The following CHN2 variants were observed in gnomAD, a reference collection of about 807,000 sequenced individuals.
CHN2 encodes the protein chimerin 2, also known as beta-chimaerin.
A neutral mutation model predicts 56.3 loss-of-function variants in CHN2; 35 were observed. The observed-to-expected ratio is 0.62, with a 90% confidence interval of 0.47 to 0.82. CHN2 has a LOEUF of 0.82. CHN2 is among the 40% of genes least tolerant of loss of function. CHN2 has a pLI of 0.00. For missense variants in CHN2, 491 were observed against 580.5 expected, an observed-to-expected ratio of 0.85 and a Z score of 1.58; for synonymous variants, 210 against 212.8, an observed-to-expected ratio of 0.99 and a Z score of 0.12.
chr7:29,393,821 C>T (rs367682672), intron 4 of CHN2, 111 bp downstream of exon 4: 6 of 350,140 alleles, frequency 1.7e-5, no homozygotes, highest in Non-Finnish European at 2.4e-5. Context: ...GTCTATTGTG[C>T]AAGAGTTTAA....
At chr7:29,185,455 C>T (rs1798593339) in intron 2 of CHN2, 1 of 152,196 alleles carries the variant, frequency 6.6e-6, no homozygotes, top group South Asian at 2.1e-4. Context: ...GATTCCCTCT[C>T]TTTCCTTCAT....
At chr7:29,254,846 A>G (rs39101) in intron 1 of CHN2, among the ~76,000 whole-genome samples, 100,525 of 151,940 alleles carry the variant, frequency 0.66, 35,129 homozygotes, top group East Asian at 0.85. Flanking sequence ...AGTCTGGGAA[A>G]TGTAGTTTTT....
chr7:29,393,922 T>C (rs777122695), intron 4 of CHN2, among the ~76,000 whole-genome samples: 1 of 152,180 alleles, frequency 6.6e-6, no homozygotes, highest in African/African-American at 2.4e-5. Context: ...TAGAGCATTT[T>C]GCGCTACTTT....
At chr7:29,498,683 G>A (rs1789574569) in intron 8 of CHN2, among the ~76,000 whole-genome samples, 2 of 150,874 alleles carry the variant, frequency 1.3e-5, no homozygotes, top group Admixed American at 1.3e-4. Flanking sequence ...TTTGAGTAGA[G>A]AGCACATCAA....
At chr7:29,216,517 T>A (rs1315379733) in intron 1 of CHN2, among the ~76,000 whole-genome samples, 1 of 152,270 alleles carries the variant, frequency 6.6e-6, no homozygotes, top group Non-Finnish European at 1.5e-5. Context: ...TCTTTGTCAC[T>A]TTTTAGCTTA....
intron 6 of CHN2, among the ~76,000 whole-genome samples, chr7:29,457,329 T>A (rs568507786): frequency 6.6e-6 from 1 of 152,038 alleles, no homozygotes; most frequent in South Asian, 2.1e-4. Flanking sequence ...TCCCGCTGAG[T>A]GATAATAGGG....
intron 2 of CHN2, among the ~76,000 whole-genome samples, chr7:29,159,112 A>G (rs539349389): frequency 5.3e-5 from 8 of 152,240 alleles, no homozygotes; most frequent in African/African-American, 1.2e-4. Flanking sequence ...CTAATGGGCT[A>G]CACAGCACAA....
intron 6 of CHN2, among the ~76,000 whole-genome samples, chr7:29,416,383 A>G (rs1562590367): frequency 6.6e-6 from 1 of 152,238 alleles, no homozygotes; most frequent in Non-Finnish European, 1.5e-5. Context: ...TTGAAATGGA[A>G]ATGTTGTTAC....
At chr7:29,328,186 G>A (rs1180317458) in intron 1 of CHN2, among the ~76,000 whole-genome samples, 7 of 152,144 alleles carry the variant, frequency 4.6e-5, no homozygotes, top group East Asian at 1.9e-4. Context: ...TCTGGAACCC[G>A]AGAAGTCTGA....
chr7:29,311,904 G>T (rs934352269), intron 1 of CHN2, among the ~76,000 whole-genome samples: 1 of 152,188 alleles, frequency 6.6e-6, no homozygotes, highest in East Asian at 1.9e-4. Context: ...AATGGAGGAG[G>T]GGGGTGACTT....
intron 3 of CHN2, among the ~76,000 whole-genome samples, chr7:29,382,344 C>CA: frequency 6.6e-6 from 1 of 152,284 alleles, no homozygotes; most frequent in African/African-American, 2.4e-5. Flanking sequence ...GGCTCGAAGT[C>CA]ACAGTTGTTG....
chr7:29,226,605 G>A (rs1786220332), intron 1 of CHN2, among the ~76,000 whole-genome samples: 1 of 152,116 alleles, frequency 6.6e-6, no homozygotes, highest in African/African-American at 2.4e-5. Context: ...AACGTAGGGA[G>A]TGGAACACTC....
chr7:29,367,182 C>T (rs1799230484), intron 2 of CHN2, among the ~76,000 whole-genome samples: 2 of 152,258 alleles, frequency 1.3e-5, no homozygotes, highest in East Asian at 1.9e-4. Context: ...GCAGAAAAAT[C>T]ACTCATTATG....
intron 1 of CHN2, among the ~76,000 whole-genome samples, chr7:29,211,193 C>G (rs569574878): frequency 6.6e-6 from 1 of 151,770 alleles, no homozygotes; most frequent in East Asian, 1.9e-4. Flanking sequence ...GCCTCAGCCT[C>G]CTGAGGAGCT....
At position 29,195,024 on chromosome 7, in the gene CHN2, C is replaced by G. The variant is rs779244950; in HGVS notation, c.49+34C>G. ...CAGCCCGTCGGGCGCTGCTGCCGCG[C>G]CGGGTCTCGCCCCACTGCCCTCGCC... On this transcript the variant is annotated intron_variant, in intron 1 of 12. Transcript: ENST00000222792. The G allele has an allele frequency of 6.3e-6, 10 of 1,576,890 alleles. 1 individual carries two copies. In the South Asian group the frequency reaches 1.0e-4, roughly 16 times the overall value.
At chr7:29,341,109 G>T (rs976761422) in intron 1 of CHN2, among the ~76,000 whole-genome samples, 3 of 152,208 alleles carry the variant, frequency 2.0e-5, no homozygotes, top group Non-Finnish European at 4.4e-5. Flanking sequence ...TGAGAGTGGA[G>T]CTGGGGCAAG....
intron 8 of CHN2, among the ~76,000 whole-genome samples, chr7:29,496,867 C>A (rs148602708): frequency 8.5e-5 from 13 of 152,316 alleles, no homozygotes; most frequent in African/African-American, 1.2e-4. Flanking sequence ...GGAGCAAGAC[C>A]AGCCTCCTCT....
At chr7:29,485,082 G>A (rs576670928) in intron 7 of CHN2, among the ~76,000 whole-genome samples, 1 of 123,058 alleles carries the variant, frequency 8.1e-6, no homozygotes, top group South Asian at 2.3e-4. Flanking sequence ...TTCATTAAAA[G>A]AGGCACCAAA....
intron 6 of CHN2, among the ~76,000 whole-genome samples, chr7:29,439,780 A>G (rs902724374): frequency 2.0e-5 from 3 of 152,232 alleles, no homozygotes; most frequent in African/African-American, 4.8e-5. Context: ...ATGTAAAACA[A>G]CCACTGTGGA....
Sources: gnomAD v4.1 joint callset for allele counts (sites outside exome capture counted in the v4.1 genomes callset) on GRCh38, gnomAD v4.1.1 for gene constraint, MANE v1.5 for transcripts, NCBI Gene and HGNC (gene_info 2026-07-23, HGNC 2026-07-21) for gene names.